C2orf42: variants seen among roughly 807,000 people sequenced by gnomAD.
C2orf42 encodes chromosome 2 open reading frame 42, also known as uncharacterized protein C2orf42.
A neutral mutation model predicts 58.9 loss-of-function variants in C2orf42; 44 were observed. That is an observed-to-expected ratio of 0.75 (90% CI 0.59 to 0.96). C2orf42 has a LOEUF of 0.96. Among genes scored for constraint, C2orf42 ranks in the 40% least tolerant of loss-of-function variants. The pLI is 0.00. For missense variants in C2orf42, 630 were observed against 699.2 expected, an observed-to-expected ratio of 0.90 and a Z score of 1.12; for synonymous variants, 239 against 265.4, an observed-to-expected ratio of 0.90 and a Z score of 0.97.
chr2:70,156,781 G>A (rs751516077), intron 9 of C2orf42, among the ~76,000 whole-genome samples: 2 of 151,428 alleles, frequency 1.3e-5, no homozygotes, highest in Non-Finnish European at 2.9e-5. Context: ...AGGATCGCTT[G>A]AGCCCAGGAG....
intron 9 of C2orf42, among the ~76,000 whole-genome samples, chr2:70,157,557 G>GAGGCCA (rs1672760941): frequency 6.6e-6 from 1 of 152,218 alleles, no homozygotes; most frequent in Non-Finnish European, 1.5e-5. Flanking sequence ...AGAACTTTGG[G>GAGGCCA]AGGCCAAGGT....
chr2:70,155,020 C>T (rs745919247), intron 9 of C2orf42, among the ~76,000 whole-genome samples: 3 of 151,742 alleles, frequency 2.0e-5, no homozygotes, highest in Non-Finnish European at 2.9e-5. Context: ...CCAAGGCGGG[C>T]AGATCACAAG....
At chr2:70,170,164 G>A (rs2104913072) in intron 5 of C2orf42, among the ~76,000 whole-genome samples, 1 of 139,168 alleles carries the variant, frequency 7.2e-6, no homozygotes. Context: ...TGGGAGAAGT[G>A]TTAATAAGTT....
chr2:70,155,938 C>A (rs1043080853), intron 9 of C2orf42, among the ~76,000 whole-genome samples: 1 of 152,052 alleles, frequency 6.6e-6, no homozygotes, highest in Non-Finnish European at 1.5e-5. Context: ...GGCAGATCAC[C>A]TGAGGTTGGG....
At position 70,165,194 on chromosome 2, in the gene C2orf42, T is replaced by C. The variant is rs1433839926; in HGVS notation, c.1253-2A>G. ...GCAAGGCATCTTTCCGAACAAAAGCTTCAACGTGAAAAAAGGACAAAATTA... is the reference window on the plus strand; with the variant it reads ...GCAAGGCATCTTTCCGAACAAAAGCCTCAACGTGAAAAAAGGACAAAATTA... On this transcript the variant is annotated splice_acceptor_variant, in intron 7 of 9. Coordinates refer to ENST00000264434, the MANE Select transcript of C2orf42 (RefSeq NM_017880.3). LOFTEE classifies it high-confidence loss of function. The C allele has an allele frequency of 1.3e-6, 2 of 1,578,158 alleles. No individual in the cohort carries two copies.
intron 9 of C2orf42, among the ~76,000 whole-genome samples, chr2:70,154,075 A>AC (rs200234284): frequency 0.012 from 1,765 of 151,054 alleles, 42 homozygotes; most frequent in African/African-American, 0.038. Context: ...AAACAAACAA[A>AC]AAAAAAAACA....
intron 4 of C2orf42, among the ~76,000 whole-genome samples, chr2:70,176,517 T>G (rs1023349448): frequency 3.3e-5 from 5 of 151,562 alleles, no homozygotes; most frequent in African/African-American, 1.2e-4. Context: ...AAAAAAAAAA[T>G]TATTTGTTAA....
At chr2:70,166,516 A>C (rs1016273325) in intron 6 of C2orf42, among the ~76,000 whole-genome samples, 1 of 149,230 alleles carries the variant, frequency 6.7e-6, no homozygotes, top group African/African-American at 2.5e-5. Context: ...AAAAAAAAAA[A>C]AAAAAAAAAA....
chr2:70,162,945 G>A (rs967767860), intron 8 of C2orf42, among the ~76,000 whole-genome samples: 7 of 152,074 alleles, frequency 4.6e-5, no homozygotes, highest in East Asian at 1.9e-4. Context: ...TCAGCTCACT[G>A]CAACCTCCGC....
intron 8 of C2orf42, among the ~76,000 whole-genome samples, chr2:70,162,770 G>A (rs1397297129): frequency 6.6e-6 from 1 of 151,800 alleles, no homozygotes; most frequent in Admixed American, 6.6e-5. Flanking sequence ...TGGCTCACAT[G>A]TAAATTCTGT....
chr2:70,171,975 C>A (rs1450475866), intron 5 of C2orf42, among the ~76,000 whole-genome samples: 1 of 151,622 alleles, frequency 6.6e-6, no homozygotes, highest in Non-Finnish European at 1.5e-5. Flanking sequence ...GTAATCCCAG[C>A]ACTTTGGGAG....
chr2:70,158,733 T>C (rs376072421), intron 9 of C2orf42, among the ~76,000 whole-genome samples: 54 of 147,506 alleles, frequency 3.7e-4, no homozygotes, highest in African/African-American at 1.2e-3. Flanking sequence ...TAGGCATGAG[T>C]CACCACGCCC....
chr2:70,169,692 T>TC (rs1228845536), intron 5 of C2orf42, 31 bp from the exon 6 acceptor site: 1 of 965,248 alleles, frequency 1.0e-6, no homozygotes, highest in East Asian at 2.4e-5. Context: ...CATACACACT[T>TC]CTTTAGTAAC....
At chr2:70,168,740 A>C (rs1405879977) in intron 6 of C2orf42, among the ~76,000 whole-genome samples, 2 of 142,208 alleles carry the variant, frequency 1.4e-5, no homozygotes, top group African/African-American at 5.3e-5. Context: ...TTTTAGATGG[A>C]GTCTCACTGT....
intron 6 of C2orf42, among the ~76,000 whole-genome samples, chr2:70,168,462 G>A (rs1485310714): frequency 1.3e-5 from 2 of 150,708 alleles, no homozygotes; most frequent in African/African-American, 2.4e-5. Context: ...TAATTTTTTT[G>A]TATTTTTAGT....
chr2:70,155,379 T>A (rs2104833463), intron 9 of C2orf42, among the ~76,000 whole-genome samples: 1 of 152,320 alleles, frequency 6.6e-6, no homozygotes, highest in East Asian at 1.9e-4. Flanking sequence ...CAGGCTGGTC[T>A]CAAACTCCTG....
At chr2:70,154,323 G>C (rs1672507920) in intron 9 of C2orf42, among the ~76,000 whole-genome samples, 1 of 145,204 alleles carries the variant, frequency 6.9e-6, no homozygotes, top group Non-Finnish European at 1.5e-5. Context: ...AGCACTTTGA[G>C]AGGATCAGGG....
chr2:70,154,304 T>G (rs564888546), intron 9 of C2orf42, among the ~76,000 whole-genome samples: 1 of 150,784 alleles, frequency 6.6e-6, no homozygotes, highest in East Asian at 2.0e-4. Flanking sequence ...GGCTCATGCC[T>G]GTAATCCCAG....
At chr2:70,168,963 C>T (rs546728278) in intron 6 of C2orf42, among the ~76,000 whole-genome samples, 1 of 152,316 alleles carries the variant, frequency 6.6e-6, no homozygotes, top group Non-Finnish European at 1.5e-5. Flanking sequence ...GATCCGCCCA[C>T]CTCGGCCTCC....
Sources: allele counts gnomAD v4.1 joint callset (sites outside exome capture counted in the v4.1 genomes callset), GRCh38; gene constraint gnomAD v4.1.1; transcripts MANE v1.5; gene names NCBI Gene and HGNC (gene_info 2026-07-23, HGNC 2026-07-21).